Variants in PPP4R4 observed in about 807,000 individuals in gnomAD.
The protein encoded by PPP4R4 is serine/threonine-protein phosphatase 4 regulatory subunit 4.
PPP4R4 carries 70 observed loss-of-function variants against 121.8 expected under a neutral mutation model. The observed-to-expected ratio is 0.57, with a 90% confidence interval of 0.47 to 0.70. The LOEUF (loss-of-function observed/expected upper bound fraction) is 0.70, where lower values mean the gene tolerates loss of function less well. Among genes scored for constraint, PPP4R4 ranks in the 30% least tolerant of loss-of-function variants. The pLI is 0.00. For synonymous variants in PPP4R4, 348 were observed against 355.7 expected, an observed-to-expected ratio of 0.98 and a Z score of 0.24; for missense variants, 875 against 1,033.6, an observed-to-expected ratio of 0.85 and a Z score of 2.10.
chr14:94,182,962 A>G (rs1044488597), intron 2 of PPP4R4, among the ~76,000 whole-genome samples: 3 of 152,220 alleles, frequency 2.0e-5, no homozygotes, highest in East Asian at 1.9e-4. Flanking sequence ...AATTTCTAGC[A>G]TATCAATAAT....
At chr14:94,227,048 C>T (rs1891750577) in intron 3 of PPP4R4, among the ~76,000 whole-genome samples, 1 of 152,168 alleles carries the variant, frequency 6.6e-6, no homozygotes, top group Non-Finnish European at 1.5e-5. Context: ...CTTTCTTGCA[C>T]CACTCATGTT....
intron 3 of PPP4R4, among the ~76,000 whole-genome samples, chr14:94,224,882 A>G (rs1204791281): frequency 1.3e-5 from 2 of 152,362 alleles, no homozygotes; most frequent in African/African-American, 4.8e-5. Flanking sequence ...TTTTACACCA[A>G]GAAAATAAGG....
intron 17 of PPP4R4, among the ~76,000 whole-genome samples, chr14:94,257,673 A>ACACACACACACG (rs1305982965): frequency 1.5e-4 from 23 of 148,730 alleles, no homozygotes; most frequent in African/African-American, 5.7e-4. Flanking sequence ...ACACACACAC[A>ACACACACACACG]CACTTGTTTC....
At chr14:94,194,956 A>G (rs1447544819) in intron 2 of PPP4R4, among the ~76,000 whole-genome samples, 25 of 152,212 alleles carry the variant, frequency 1.6e-4, no homozygotes, top group Admixed American at 1.6e-3. Flanking sequence ...TCTAATGTAC[A>G]TTTAAGTAGA....
chr14:94,253,428 C>G (rs572967070), intron 16 of PPP4R4, among the ~76,000 whole-genome samples: 1 of 152,306 alleles, frequency 6.6e-6, no homozygotes, highest in East Asian at 1.9e-4. Context: ...CCACTGCACT[C>G]CAGCCTAGGT....
chr14:94,220,983 T>A (rs1354000594), intron 3 of PPP4R4, among the ~76,000 whole-genome samples: 1 of 151,992 alleles, frequency 6.6e-6, no homozygotes, highest in Admixed American at 6.5e-5. Flanking sequence ...TTACCTGATT[T>A]CAAGACATAA....
At chr14:94,223,959 A>C (rs1273445896) in intron 3 of PPP4R4, among the ~76,000 whole-genome samples, 1 of 152,184 alleles carries the variant, frequency 6.6e-6, no homozygotes, top group Admixed American at 6.5e-5. Flanking sequence ...CAAGAACCTA[A>C]AATTAAATAT....
intron 5 of PPP4R4, among the ~76,000 whole-genome samples, chr14:94,232,087 T>G (rs930903005): frequency 1.3e-5 from 2 of 152,206 alleles, no homozygotes; most frequent in African/African-American, 4.8e-5. Flanking sequence ...TTTACAAATA[T>G]TATTCCCAGC....
At chr14:94,197,304 T>C (rs1567109608) in intron 2 of PPP4R4, among the ~76,000 whole-genome samples, 1 of 152,246 alleles carries the variant, frequency 6.6e-6, no homozygotes, top group African/African-American at 2.4e-5. Flanking sequence ...ACAAAACCAT[T>C]TGCAGTTTTA....
rs183586756 is a variant in PPP4R4 at position 94,279,530 on chromosome 14, C to T, written c.*887C>T. On this transcript the variant is annotated 3_prime_UTR_variant, in exon 25 of 25. Coordinates refer to ENST00000304338, the MANE Select transcript of PPP4R4 (RefSeq NM_058237.2). ...TAAACTGTCAGTTCTTGAGATATACCGTGTGAAGCTATTGTCAGCTTCTCT... is the reference window on the plus strand; with the variant it reads ...TAAACTGTCAGTTCTTGAGATATACTGTGTGAAGCTATTGTCAGCTTCTCT... 6.1e-4 allele frequency: 93 copies of T among 152,524 alleles called. No individual in the cohort carries two copies. The highest frequency in any genetic ancestry group is 2.2e-3 in the African/African-American group (90 of 41,492). The allele number at this position is 152,524 out of a possible 1,614,324, so 9.4% of individuals were successfully genotyped here.
At chr14:94,264,747 C>T in intron 19 of PPP4R4, 131 bp from the exon 20 acceptor site, 1 of 703,422 alleles carries the variant, frequency 1.4e-6, no homozygotes, top group Non-Finnish European at 2.5e-6. Context: ...TAGACACTAA[C>T]ATTGGAAAAA....
At chr14:94,227,163 A>G (rs746853048) in intron 3 of PPP4R4, 5 of 744,882 alleles carry the variant, frequency 6.7e-6, no homozygotes, top group Middle Eastern at 2.4e-4. Flanking sequence ...TTAATGTCTC[A>G]TTTCATTTTT....
intron 11 of PPP4R4, among the ~76,000 whole-genome samples, chr14:94,243,975 A>AT (rs5810664): frequency 0.24 from 36,628 of 149,524 alleles, 5,350 homozygotes; most frequent in East Asian, 0.58. Flanking sequence ...TCCAGGGACC[A>AT]TTTTTTTTTT....
chr14:94,192,267 CAT>C (rs372762498), intron 2 of PPP4R4, among the ~76,000 whole-genome samples: 56 of 152,134 alleles, frequency 3.7e-4, no homozygotes, highest in East Asian at 3.1e-3. Context: ...ACAGGACTAA[CAT>C]ATGGAAATAT....
intron 2 of PPP4R4, among the ~76,000 whole-genome samples, chr14:94,180,757 A>C (rs1163332376): frequency 1.3e-5 from 2 of 151,910 alleles, no homozygotes; most frequent in Non-Finnish European, 2.9e-5. Context: ...GGACTACAGA[A>C]GGCACACACC....
intron 2 of PPP4R4, among the ~76,000 whole-genome samples, chr14:94,187,029 G>A (rs772670234): frequency 6.6e-6 from 1 of 152,038 alleles, no homozygotes; most frequent in Non-Finnish European, 1.5e-5. Context: ...AATATACTTT[G>A]TTAGGCCGAG....
intron 2 of PPP4R4, among the ~76,000 whole-genome samples, chr14:94,177,950 C>T (rs1241631066): frequency 1.3e-5 from 2 of 152,180 alleles, no homozygotes; most frequent in Non-Finnish European, 2.9e-5. Flanking sequence ...CAAGGTGACT[C>T]ACAAGGGGAA....
intron 21 of PPP4R4, 149 bp downstream of exon 21, chr14:94,265,622 A>G (rs1365867753): frequency 2.4e-6 from 2 of 849,622 alleles, no homozygotes; most frequent in Non-Finnish European, 3.7e-6. Context: ...GTGTTTTGGT[A>G]GTTTTTAATT....
At chr14:94,270,413 C>A (rs1404840473) in intron 23 of PPP4R4, among the ~76,000 whole-genome samples, 2 of 152,010 alleles carry the variant, frequency 1.3e-5, no homozygotes. Flanking sequence ...TGCAAAAGGA[C>A]CCCAGTGTAG....
Sources: gnomAD v4.1 joint callset for allele counts (sites outside exome capture counted in the v4.1 genomes callset) on GRCh38, gnomAD v4.1.1 for gene constraint, MANE v1.5 for transcripts, NCBI Gene and HGNC (gene_info 2026-07-23, HGNC 2026-07-21) for gene names.